Variants in SEMA4B observed in about 807,000 individuals in gnomAD.
SEMA4B encodes semaphorin-4B.
A neutral mutation model predicts 88.1 loss-of-function variants in SEMA4B; 55 were observed. The ratio of observed to expected loss-of-function variants is 0.62; its 90% CI spans 0.50 to 0.78. The LOEUF (loss-of-function observed/expected upper bound fraction) is 0.78. Ranked by LOEUF, SEMA4B falls within the 30% of genes least tolerant of loss-of-function variation. The pLI is 0.00. For synonymous variants in SEMA4B, 525 were observed against 473.6 expected (o/e 1.11, Z -1.41); for missense variants, 1,062 against 1,111.9 (o/e 0.96, Z 0.64).
At chr15:90,187,501 G>C (rs1221572821) in intron 1 of SEMA4B, among the ~76,000 whole-genome samples, 2 of 152,218 alleles carry the variant, frequency 1.3e-5, no homozygotes, top group Non-Finnish European at 2.9e-5. Flanking sequence ...GAAGGGAAGA[G>C]AGGGATGTGA....
chr15:90,192,185 G>A (rs955809673), intron 1 of SEMA4B, among the ~76,000 whole-genome samples: 1 of 152,246 alleles, frequency 6.6e-6, no homozygotes, highest in Non-Finnish European at 1.5e-5. Context: ...TACCCCAGGA[G>A]GGGGCGGGTG....
chr15:90,223,276 C>T (rs895300264), intron 7 of SEMA4B, among the ~76,000 whole-genome samples: 1 of 152,168 alleles, frequency 6.6e-6, no homozygotes, highest in African/African-American at 2.4e-5. Flanking sequence ...TTAACTCACT[C>T]AGGAACATGG....
rs1962065010 is a variant in SEMA4B, at chr15:90,224,957, T to G, written c.1195-11T>G. 6.2e-7 allele frequency: 1 copy of G among 1,612,650 alleles called. No homozygotes were observed. Among genetic ancestry groups the G allele is most frequent in the South Asian group, 1.1e-5 (1 of 91,064 alleles). ...GTGTGGCTGGCCTCACACTGCTGCT[T>G]TCTCCTCCAGTGCATCACCAACAGT... On this transcript the variant is annotated splice_polypyrimidine_tract_variant and intron_variant, in intron 9 of 13. Coordinates refer to ENST00000411539, the MANE Select transcript of SEMA4B (RefSeq NM_198925.4).
At chr15:90,208,915 C>A (rs1418309101) in intron 1 of SEMA4B, among the ~76,000 whole-genome samples, 1 of 151,832 alleles carries the variant, frequency 6.6e-6, no homozygotes, top group Non-Finnish European at 1.5e-5. Context: ...CTAATTTTTG[C>A]ATTCTTGGTA....
At chr15:90,203,811 A>C (rs1023543867) in intron 1 of SEMA4B, among the ~76,000 whole-genome samples, 3 of 152,180 alleles carry the variant, frequency 2.0e-5, no homozygotes, top group African/African-American at 7.2e-5. Flanking sequence ...CCCTTCTGCT[A>C]TGTTCTTGGG....
At chr15:90,220,679 C>A (rs911777177) in intron 4 of SEMA4B, among the ~76,000 whole-genome samples, 5 of 152,054 alleles carry the variant, frequency 3.3e-5, no homozygotes, top group African/African-American at 1.2e-4. Context: ...AGGCTCACAT[C>A]ATTTTCTAAG....
chr15:90,192,060 G>A (rs777831788), intron 1 of SEMA4B: 1 of 153,040 alleles, frequency 6.5e-6, no homozygotes, highest in Non-Finnish European at 1.5e-5. Flanking sequence ...GGCTACAAGG[G>A]GATGGTGGTG....
chr15:90,224,832 T>C, intron 9 of SEMA4B, 136 bp from the exon 10 acceptor site: 1 of 726,602 alleles, frequency 1.4e-6, no homozygotes, highest in Non-Finnish European at 2.4e-6. Flanking sequence ...ACTGGCTCTG[T>C]AGAGCACTGC....
intron 12 of SEMA4B, 91 bp downstream of exon 12, chr15:90,225,918 C>A: frequency 9.3e-7 from 1 of 1,073,596 alleles, no homozygotes; most frequent in Non-Finnish European, 1.3e-6. Context: ...GACCGCCACA[C>A]AGCCTCGTTT....
intron 9 of SEMA4B, among the ~76,000 whole-genome samples, 154 bp downstream of exon 9, chr15:90,224,142 C>A (rs1962020837): frequency 6.6e-6 from 1 of 152,244 alleles, no homozygotes; most frequent in Non-Finnish European, 1.5e-5. Flanking sequence ...CCCAGGCCTG[C>A]TTGTGTACTG....
intron 12 of SEMA4B, 40 bp from the exon 13 acceptor site, chr15:90,227,517 G>C: frequency 6.3e-7 from 1 of 1,597,078 alleles, no homozygotes; most frequent in Non-Finnish European, 8.6e-7. Flanking sequence ...TGAGCTCAGG[G>C]GACTTCCTGG....
chr15:90,201,624 TG>T lies in SEMA4B; in HGVS notation c.50del (p.Gly17AlafsTer59). 1 of 1,517,326 alleles carries T rather than the reference TG, an allele frequency of 6.6e-7. No individual in the cohort carries two copies. Among genetic ancestry groups the T allele is most frequent in the Admixed American group, 2.0e-5 (1 of 50,022 alleles). 94.0% of individuals were successfully genotyped at this position (1,517,326 alleles called of 1,614,324 possible). A position where few individuals can be genotyped will look rare whatever the true frequency, so the allele number is the denominator to read the frequency against. ...MGLRSWLAAP[W>X]GALPPRPPLL... ...CCTGAGGAGCTGGCTCGCCGCCCCA[TG>T]GGGCGCGCTGCCGCCTCGGCCACCG... On this transcript the variant is annotated frameshift_variant, in exon 1 of 14. Coordinates refer to ENST00000411539, the MANE Select transcript of SEMA4B (RefSeq NM_198925.4). LOFTEE classifies it high-confidence loss of function.
chr15:90,201,520 T>G lies in SEMA4B; in HGVS notation c.-59T>G. On this transcript the variant is annotated 5_prime_UTR_variant, in exon 1 of 14. Transcript: ENST00000411539. ...GACCGCGGGGCGGAGCTGCCGCCCG[T>G]GAGTCCGGCCGAGCCACCTGAGCCC... is the stretch of plus-strand genomic sequence containing the variant. The G allele has an allele frequency of 7.5e-7, 1 of 1,339,628 alleles. No homozygotes were observed. Among genetic ancestry groups the G allele is most frequent in the Non-Finnish European group, 9.5e-7 (1 of 1,050,556 alleles). 83.0% of individuals were successfully genotyped at this position (1,339,628 alleles called of 1,614,324 possible).
chr15:90,201,835 C>T (rs1960757709), intron 1 of SEMA4B, 100 bp downstream of exon 1: 2 of 1,180,284 alleles, frequency 1.7e-6, no homozygotes, highest in East Asian at 3.2e-5. Flanking sequence ...AGGAGGGGAC[C>T]TGTCGGAGGC....
Position 90,228,377 on chromosome 15 carries a change from C to A in SEMA4B, c.2248C>A (p.Gln750Lys). ...GAACAGCATGAAAGTCTTCCTGAAG[C>A]AGGGGGAATGTGCCAGCGTGCACCC... ...HRNSMKVFLK[Q>K]GECASVHPKT... The change falls in exon 14 of 14, where the codon CAG (glutamine) becomes AAG (lysine). Residue 750 changes from glutamine (Q) to lysine (K), a missense_variant. Coordinates refer to ENST00000411539, the MANE Select transcript of SEMA4B (RefSeq NM_198925.4). 6.3e-7 allele frequency: 1 copy of A among 1,599,494 alleles called. No individual in the cohort carries two copies. Among genetic ancestry groups the A allele is most frequent in the Non-Finnish European group, 8.5e-7 (1 of 1,172,560 alleles).
intron 3 of SEMA4B, among the ~76,000 whole-genome samples, chr15:90,218,274 C>G (rs967904379): frequency 4.6e-5 from 7 of 152,174 alleles, no homozygotes; most frequent in Non-Finnish European, 8.8e-5. Context: ...AGGATGAAAT[C>G]TGGTTCAACC....
intron 1 of SEMA4B, chr15:90,206,553 A>T: frequency 2.2e-6 from 1 of 461,178 alleles, no homozygotes; most frequent in Admixed American, 3.2e-5. Context: ...ATTCGGCTTC[A>T]CCCGTAACCC....
intron 1 of SEMA4B, among the ~76,000 whole-genome samples, chr15:90,194,814 T>C (rs1960451903): frequency 6.6e-6 from 1 of 152,232 alleles, no homozygotes. Flanking sequence ...TCATGTTCTT[T>C]CTCTCTAGTA....
intron 1 of SEMA4B, 106 bp downstream of exon 1, chr15:90,201,841 G>T (rs1236567048): frequency 8.8e-6 from 10 of 1,134,046 alleles, no homozygotes; most frequent in Non-Finnish European, 1.2e-5. Flanking sequence ...GGACCTGTCG[G>T]AGGCACGGGA....
Sources: gnomAD v4.1 joint callset for allele counts (sites outside exome capture counted in the v4.1 genomes callset) on GRCh38, gnomAD v4.1.1 for gene constraint, MANE v1.5 for transcripts, NCBI Gene and HGNC (gene_info 2026-07-23, HGNC 2026-07-21) for gene names.